The following MAP3K5 variants were observed in gnomAD, a reference collection of about 807,000 sequenced individuals.
The protein encoded by MAP3K5 is ASK-1.
In MAP3K5, 56 loss-of-function variants were observed where a neutral mutation model predicts 158.7. That is an observed-to-expected ratio of 0.35 (90% CI 0.28 to 0.44). The LOEUF is 0.44. MAP3K5 is among the 20% of genes least tolerant of loss of function. MAP3K5 has a pLI of 1.00. For synonymous variants in MAP3K5, 579 were observed against 601.7 expected (o/e 0.96, Z 0.55); for missense variants, 1,294 against 1,674.8 (o/e 0.77, Z 3.97).
chr6:136,787,607 G>A (rs372955086), intron 1 of MAP3K5, among the ~76,000 whole-genome samples: 2 of 152,206 alleles, frequency 1.3e-5, no homozygotes, highest in Admixed American at 6.5e-5. Flanking sequence ...CTTTGTGCCT[G>A]CATCCCATGC....
intron 8 of MAP3K5, among the ~76,000 whole-genome samples, chr6:136,665,348 ATT>A (rs11421136): frequency 4.2e-5 from 6 of 142,030 alleles, no homozygotes; most frequent in Admixed American, 7.0e-5. Flanking sequence ...GAAGAGCTGT[ATT>A]TTTTTTTTTT....
intron 1 of MAP3K5, among the ~76,000 whole-genome samples, chr6:136,755,862 T>C (rs973052512): frequency 1.8e-4 from 28 of 151,978 alleles, no homozygotes; most frequent in Admixed American, 7.9e-4. Flanking sequence ...GAGTCAAAGA[T>C]GACACTGAGG....
At chr6:136,606,681 C>T (rs951805065) in intron 18 of MAP3K5, among the ~76,000 whole-genome samples, 4 of 152,190 alleles carry the variant, frequency 2.6e-5, no homozygotes, top group Non-Finnish European at 5.9e-5. Context: ...AGAACTCATC[C>T]AAGATGCCAT....
intron 2 of MAP3K5, among the ~76,000 whole-genome samples, chr6:136,712,146 A>G (rs1781335002): frequency 6.6e-6 from 1 of 151,306 alleles, no homozygotes; most frequent in African/African-American, 2.4e-5. Flanking sequence ...CTGATGAATG[A>G]CATTTTATAC....
At chr6:136,717,756 C>A (rs1256804330) in intron 2 of MAP3K5, among the ~76,000 whole-genome samples, 1 of 152,154 alleles carries the variant, frequency 6.6e-6, no homozygotes, top group Non-Finnish European at 1.5e-5. Context: ...ACCTGAGGAA[C>A]TTTCAGGACT....
At chr6:136,612,192 A>G (rs568584417) in intron 17 of MAP3K5, among the ~76,000 whole-genome samples, 82 of 152,322 alleles carry the variant, frequency 5.4e-4, no homozygotes, top group African/African-American at 1.9e-3. Flanking sequence ...AATAATTATA[A>G]GATCCAATAT....
At chr6:136,605,132 T>C (rs1776048360) in intron 19 of MAP3K5, 77 bp downstream of exon 19, 2 of 1,429,854 alleles carry the variant, frequency 1.4e-6, no homozygotes, top group Non-Finnish European at 1.9e-6. Context: ...TCTAAAAAAA[T>C]ATGACACACA....
At chr6:136,662,324 A>G (rs1303694186) in intron 8 of MAP3K5, among the ~76,000 whole-genome samples, 2 of 151,928 alleles carry the variant, frequency 1.3e-5, no homozygotes, top group Non-Finnish European at 2.9e-5. Context: ...GAGGAAAAAA[A>G]GGAACATTGT....
At chr6:136,694,491 A>C (rs563610928) in intron 6 of MAP3K5, among the ~76,000 whole-genome samples, 181 bp from the exon 7 acceptor site, 1 of 152,296 alleles carries the variant, frequency 6.6e-6, no homozygotes, top group Non-Finnish European at 1.5e-5. Context: ...GTTTTATCCC[A>C]TTGTATGTCT....
At chr6:136,662,425 A>G (rs1240343821) in intron 8 of MAP3K5, among the ~76,000 whole-genome samples, 3 of 152,242 alleles carry the variant, frequency 2.0e-5, no homozygotes, top group Admixed American at 2.0e-4. Context: ...TTGTTTCTAC[A>G]TGAAGACATT....
At chr6:136,563,391 A>T (rs149153129) in intron 26 of MAP3K5, among the ~76,000 whole-genome samples, 28 of 152,348 alleles carry the variant, frequency 1.8e-4, no homozygotes, top group Middle Eastern at 6.8e-3. Flanking sequence ...CACTTTTTGT[A>T]AACTATGAAA....
At chr6:136,738,532 C>A (rs976908671) in intron 1 of MAP3K5, among the ~76,000 whole-genome samples, 1 of 152,216 alleles carries the variant, frequency 6.6e-6, no homozygotes, top group African/African-American at 2.4e-5. Context: ...CCAACTGGCA[C>A]TCAGCCCAAG....
intron 13 of MAP3K5, among the ~76,000 whole-genome samples, 174 bp from the exon 14 acceptor site, chr6:136,637,580 A>G (rs906055905): frequency 2.0e-5 from 3 of 152,230 alleles, no homozygotes; most frequent in African/African-American, 7.2e-5. Context: ...AAGAAAATGC[A>G]GGTTGGTAGG....
intron 1 of MAP3K5, among the ~76,000 whole-genome samples, chr6:136,781,729 T>C (rs760163091): frequency 6.6e-6 from 1 of 152,236 alleles, no homozygotes; most frequent in East Asian, 1.9e-4. Flanking sequence ...TCATTGATAC[T>C]ATCATTCTGA....
At chr6:136,700,656 G>A (rs748554430) in intron 3 of MAP3K5, among the ~76,000 whole-genome samples, 5 of 152,172 alleles carry the variant, frequency 3.3e-5, no homozygotes, top group Non-Finnish European at 7.4e-5. Context: ...AAGAGGTTGG[G>A]ATTGAGGTGG....
chr6:136,616,306 T>A (rs999906940), intron 15 of MAP3K5, among the ~76,000 whole-genome samples: 10 of 149,556 alleles, frequency 6.7e-5, no homozygotes, highest in African/African-American at 2.2e-4. Context: ...TCCTCTTTTT[T>A]TTTTTTTTTT....
chr6:136,570,878 C>A (rs934671570), intron 25 of MAP3K5, among the ~76,000 whole-genome samples: 1 of 152,168 alleles, frequency 6.6e-6, no homozygotes, highest in Non-Finnish European at 1.5e-5. Context: ...AGACACCTCA[C>A]GTTTATAGTT....
chr6:136,655,016 A>G (rs1011016738), intron 10 of MAP3K5, among the ~76,000 whole-genome samples: 1 of 152,044 alleles, frequency 6.6e-6, no homozygotes, highest in African/African-American at 2.4e-5. Flanking sequence ...TAACTTCTCA[A>G]TATTTTCTGG....
chr6:136,668,077 A>G (rs1462328720), intron 8 of MAP3K5, among the ~76,000 whole-genome samples: 2 of 152,068 alleles, frequency 1.3e-5, no homozygotes, highest in Non-Finnish European at 2.9e-5. Context: ...CTTTAAGAAA[A>G]GTAACAAGAA....
Sources: allele counts gnomAD v4.1 joint callset (sites outside exome capture counted in the v4.1 genomes callset), GRCh38; gene constraint gnomAD v4.1.1; transcripts MANE v1.5; gene names NCBI Gene and HGNC (gene_info 2026-07-23, HGNC 2026-07-21).